Variants in CBX3 observed in about 807,000 individuals in gnomAD.
CBX3 encodes chromobox 3, also known as chromobox protein homolog 3.
In CBX3, 5 loss-of-function variants were observed where a neutral mutation model predicts 22.6. That is an observed-to-expected ratio of 0.22 (90% confidence interval 0.12 to 0.47). The LOEUF (loss-of-function observed/expected upper bound fraction) is 0.47, where lower values mean the gene tolerates loss of function less well. Among genes scored for constraint, CBX3 ranks in the 20% least tolerant of loss-of-function variants. The pLI is 0.99. For synonymous variants in CBX3, 50 were observed against 66.6 expected (o/e 0.75, Z 1.21); for missense variants, 83 against 208.1 (o/e 0.40, Z 3.70).
chr7:26,203,117 TC>T, intron 2 of CBX3, 95 bp downstream of exon 2: 1 of 863,838 alleles, frequency 1.2e-6, no homozygotes, highest in Non-Finnish European at 1.9e-6. Flanking sequence ...GAAATTTACA[TC>T]CACATATTTC....
intron 4 of CBX3, among the ~76,000 whole-genome samples, chr7:26,209,518 T>G (rs1278511582): frequency 6.6e-6 from 1 of 152,224 alleles, no homozygotes; most frequent in African/African-American, 2.4e-5. Context: ...ACTTTCTGAT[T>G]ATAGTCCATC....
chr7:26,210,817 G>A (rs1784788300), intron 4 of CBX3, among the ~76,000 whole-genome samples: 1 of 152,118 alleles, frequency 6.6e-6, no homozygotes. Context: ...TTTGATTGCT[G>A]TGGCGGATCA....
At position 26,212,582 on chromosome 7, in the gene CBX3, T is replaced by TTGTGTGTGTGTGTGTGTGTG. The variant is rs70943279; in HGVS notation, c.*386_*405dup. 9.2e-6 allele frequency: 1 copy of TTGTGTGTGTGTGTGTGTGTG among 109,070 alleles called. No homozygotes were observed. Among genetic ancestry groups the TTGTGTGTGTGTGTGTGTGTG allele is most frequent in the Admixed American group, 1.1e-4 (1 of 9,324 alleles). The allele number at this position is 109,070 out of a possible 1,614,324, so 6.8% of individuals were successfully genotyped here. A position where few individuals can be genotyped will look rare whatever the true frequency, so the allele number is the denominator to read the frequency against. ...CCATTCTAGATTTATTACGTGTTTT[T>TTGTGTGTGTGTGTGTGTGTG]TGTGTGTGTGTGTGTGTGTGTGTGT... is the stretch of plus-strand genomic sequence containing the variant. On this transcript the variant is annotated 3_prime_UTR_variant, in exon 6 of 6. Coordinates refer to ENST00000396386, the MANE Select transcript of CBX3 (RefSeq NM_016587.4).
intron 4 of CBX3, among the ~76,000 whole-genome samples, chr7:26,210,874 A>G (rs1045035794): frequency 6.6e-6 from 1 of 152,104 alleles, no homozygotes; most frequent in South Asian, 2.1e-4. Flanking sequence ...AAATAGATGA[A>G]AAAAGGGGGC....
chr7:26,210,981 G>A (rs1441322530), intron 4 of CBX3, among the ~76,000 whole-genome samples: 11 of 151,496 alleles, frequency 7.3e-5, no homozygotes, highest in Non-Finnish European at 1.0e-4. Flanking sequence ...ACTTTCTAGC[G>A]CAGGGGGTCC....
At chr7:26,208,254 A>G in intron 3 of CBX3, 139 bp from the exon 4 acceptor site, 2 of 580,708 alleles carry the variant, frequency 3.4e-6, no homozygotes, top group Non-Finnish European at 2.9e-6. Flanking sequence ...GGGGTAATGT[A>G]GGGAAGGAGG....
intron 4 of CBX3, chr7:26,210,310 A>G (rs891664296): frequency 1.3e-5 from 2 of 152,272 alleles, no homozygotes; most frequent in Non-Finnish European, 2.9e-5. Context: ...ATTAAATAAT[A>G]AATCAGGCAC....
Position 26,202,970 on chromosome 7 carries a change from G to A in CBX3, c.-28-1G>A, listed in dbSNP as rs1232695937. The A allele has an allele frequency of 6.3e-7, 1 of 1,578,634 alleles. No individual in the cohort carries two copies. The highest frequency in any genetic ancestry group is 8.7e-7 in the Non-Finnish European group (1 of 1,155,302). ...ACCTTAACTGTCATGCATTTTTCTA[G>A]TAATAGCTCTTCAAGTCTGCAATAA... is the stretch of plus-strand genomic sequence containing the variant. On this transcript the variant is annotated splice_acceptor_variant, in intron 1 of 5. Coordinates refer to ENST00000396386, the MANE Select transcript of CBX3 (RefSeq NM_016587.4). LOFTEE classifies it low-confidence loss of function (5UTR_SPLICE).
chr7:26,209,209 C>G (rs570803331), intron 4 of CBX3, among the ~76,000 whole-genome samples: 103 of 152,166 alleles, frequency 6.8e-4, no homozygotes, highest in African/African-American at 2.5e-3. Context: ...ACCAAGCCCA[C>G]CTTTGACGAC....
chr7:26,205,151 A>G (rs1784645716), intron 2 of CBX3, among the ~76,000 whole-genome samples: 1 of 152,134 alleles, frequency 6.6e-6, no homozygotes, highest in South Asian at 2.1e-4. Flanking sequence ...GGATCTTCTG[A>G]TTAACCATTT....
chr7:26,203,470 A>G (rs1184167232), intron 2 of CBX3, among the ~76,000 whole-genome samples: 1 of 152,204 alleles, frequency 6.6e-6, no homozygotes, highest in African/African-American at 2.4e-5. Context: ...AATCTTTCAA[A>G]TTACTTTGGT....
At chr7:26,209,635 G>A (rs1584040220) in intron 4 of CBX3, among the ~76,000 whole-genome samples, 1 of 151,722 alleles carries the variant, frequency 6.6e-6, no homozygotes, top group East Asian at 1.9e-4. Flanking sequence ...ACTTTTCTTG[G>A]CATGAATTGA....
At chr7:26,208,315 A>C in intron 3 of CBX3, 78 bp from the exon 4 acceptor site, 1 of 1,205,688 alleles carries the variant, frequency 8.3e-7, no homozygotes, top group Non-Finnish European at 1.2e-6. Context: ...CCGGGTGTCT[A>C]TTAAAATAGA....
chr7:26,206,865 A>G (rs921109878), intron 3 of CBX3, among the ~76,000 whole-genome samples: 5 of 152,254 alleles, frequency 3.3e-5, no homozygotes, highest in South Asian at 2.1e-4. Context: ...AAGCTTTACA[A>G]TATAGACTAG....
At position 26,206,319 on chromosome 7, in the gene CBX3, T is replaced by C. The variant is rs369332718; in HGVS notation, c.25-49T>C. 9.9e-6 allele frequency: 13 copies of C among 1,314,776 alleles called. No individual in the cohort carries two copies. In the Middle Eastern group the frequency reaches 1.1e-3, roughly 106 times the overall value. The allele number at this position is 1,314,776 out of a possible 1,614,324, so 81.4% of individuals were successfully genotyped here. A position where few individuals can be genotyped will look rare whatever the true frequency, so the allele number is the denominator to read the frequency against. On this transcript the variant is annotated intron_variant, in intron 2 of 5. Coordinates refer to ENST00000396386, the MANE Select transcript of CBX3 (RefSeq NM_016587.4). Reference sequence around the variant, plus strand: ...AAGCAATTGAGCCTTGAAAATGTGCTCAAAATTCAAGAGGAATATTTCTTA... The same window carrying C: ...AAGCAATTGAGCCTTGAAAATGTGCCCAAAATTCAAGAGGAATATTTCTTA...
Position 26,206,797 on chromosome 7 carries a change from A to C in CBX3, c.167+287A>C, listed in dbSNP as rs77752192. On this transcript the variant is annotated intron_variant, in intron 3 of 5. Coordinates refer to ENST00000396386, the MANE Select transcript of CBX3 (RefSeq NM_016587.4). ...ATATATTTTAATGTGGTTAGATATTACACTAATTAGAATAATCTGCATTAT... is the reference window on the plus strand; with the variant it reads ...ATATATTTTAATGTGGTTAGATATTCCACTAATTAGAATAATCTGCATTAT... 8.3e-3 allele frequency among the ~76,000 whole-genome samples: 1,272 copies of C among 152,338 alleles called. 16 individuals carry two copies. Among genetic ancestry groups the C allele is most frequent in the African/African-American group, 0.029 (1,209 of 41,566 alleles).
chr7:26,202,644 C>T (rs1784563633), intron 1 of CBX3: 1 of 272,542 alleles, frequency 3.7e-6, no homozygotes, highest in Non-Finnish European at 6.9e-6. Flanking sequence ...TGGTTTTAAA[C>T]CGAAAGGATT....
rs1352583723 is a variant in CBX3 at position 26,202,606 on chromosome 7, C to A, written c.-28-365C>A. Reference sequence around the variant, plus strand: ...ACAGAGAAGATTCACAGTGCTTTACCGTTGTGAGTTGTTTGGGTAATCGTG... The same window carrying A: ...ACAGAGAAGATTCACAGTGCTTTACAGTTGTGAGTTGTTTGGGTAATCGTG... On this transcript the variant is annotated intron_variant, in intron 1 of 5. Transcript: ENST00000396386. 3.6e-5 allele frequency: 8 copies of A among 221,662 alleles called. 1 individual carries two copies. Among genetic ancestry groups the A allele is most frequent in the South Asian group, 3.4e-4 (5 of 14,808 alleles). 13.7% of individuals were successfully genotyped at this position (221,662 alleles called of 1,614,324 possible).
At chr7:26,201,984 CGCGGCTGGCCTG>C (rs1784485844) in intron 1 of CBX3, 158 bp downstream of exon 1, 1 of 152,160 alleles carries the variant, frequency 6.6e-6, no homozygotes, top group African/African-American at 2.4e-5. Flanking sequence ...GCGGTGGCCT[CGCGGCTGGCCTG>C]GCGCGCGGCC....
Sources: gnomAD v4.1 joint callset for allele counts (sites outside exome capture counted in the v4.1 genomes callset) on GRCh38, gnomAD v4.1.1 for gene constraint, MANE v1.5 for transcripts, NCBI Gene and HGNC (gene_info 2026-07-23, HGNC 2026-07-21) for gene names.